Variants in SPAG16 observed in about 807,000 individuals in gnomAD.
The protein encoded by SPAG16 is sperm-associated antigen 16 protein.
SPAG16 carries 86 observed loss-of-function variants against 80.4 expected under a neutral mutation model. That is an observed-to-expected ratio of 1.07 (90% CI 0.90 to 1.28). SPAG16 has a LOEUF of 1.28. SPAG16 is among the 50% of genes most tolerant of loss of function. The pLI is 0.00. For synonymous variants in SPAG16, 294 were observed against 265.9 expected (o/e 1.11, Z -1.03); for missense variants, 870 against 765.3 (o/e 1.14, Z -1.61).
At chr2:213,760,082 A>G (rs1022535506) in intron 10 of SPAG16, among the ~76,000 whole-genome samples, 5 of 152,178 alleles carry the variant, frequency 3.3e-5, no homozygotes, top group African/African-American at 1.2e-4. Context: ...TGACAGAAGT[A>G]GCTTCCTTCT....
chr2:213,942,925 T>G (rs549347188), intron 12 of SPAG16, among the ~76,000 whole-genome samples: 1 of 152,292 alleles, frequency 6.6e-6, no homozygotes, highest in East Asian at 1.9e-4. Context: ...AATTAGGTCA[T>G]GAAGGTAGAG....
chr2:214,393,403 T>C (rs533021164), intron 15 of SPAG16, among the ~76,000 whole-genome samples: 17 of 152,154 alleles, frequency 1.1e-4, no homozygotes, highest in Non-Finnish European at 1.8e-4. Context: ...ATATGTTATT[T>C]TTTAATGTTA....
intron 11 of SPAG16, among the ~76,000 whole-genome samples, chr2:213,928,050 A>G (rs1009180535): frequency 1.3e-5 from 2 of 152,154 alleles, no homozygotes; most frequent in African/African-American, 4.8e-5. Context: ...GTGATTTTTC[A>G]GATAGTCAAA....
chr2:214,001,434 T>C (rs1249330394), intron 12 of SPAG16, among the ~76,000 whole-genome samples: 2 of 152,244 alleles, frequency 1.3e-5, no homozygotes, highest in Non-Finnish European at 2.9e-5. Flanking sequence ...ATTGAAACTA[T>C]GAGCTTTCAT....
At chr2:213,400,807 T>C (rs79732679) in intron 9 of SPAG16, among the ~76,000 whole-genome samples, 11,261 of 152,032 alleles carry the variant, frequency 0.074, 1,374 homozygotes, top group African/African-American at 0.25. Flanking sequence ...TTTTAGTCTT[T>C]GTTTTTTTCT....
chr2:213,642,435 AT>A (rs1442757416), intron 10 of SPAG16, among the ~76,000 whole-genome samples: 1 of 151,970 alleles, frequency 6.6e-6, no homozygotes, highest in Non-Finnish European at 1.5e-5. Context: ...TGTCAGCTTG[AT>A]TGCATTGAAG....
chr2:214,348,758 G>C (rs966903102), intron 15 of SPAG16, among the ~76,000 whole-genome samples: 2 of 152,082 alleles, frequency 1.3e-5, no homozygotes, highest in Non-Finnish European at 1.5e-5. Context: ...TTGGTGCCAC[G>C]TGGGGCAGAA....
At chr2:213,303,359 ATG>A (rs2062819866) in intron 3 of SPAG16, among the ~76,000 whole-genome samples, 1 of 152,004 alleles carries the variant, frequency 6.6e-6, no homozygotes. Flanking sequence ...CACAGGGTAA[ATG>A]GGGTTCTATC....
At chr2:213,355,278 A>T (rs2065573760) in intron 7 of SPAG16, among the ~76,000 whole-genome samples, 1 of 152,154 alleles carries the variant, frequency 6.6e-6, no homozygotes, top group South Asian at 2.1e-4. Flanking sequence ...CTTGTAGTAT[A>T]GTTTGAAGTC....
chr2:213,547,588 A>C (rs2076651212), intron 10 of SPAG16, among the ~76,000 whole-genome samples: 1 of 152,176 alleles, frequency 6.6e-6, no homozygotes, highest in African/African-American at 2.4e-5. Flanking sequence ...GTATACAGAA[A>C]GAGTGTGATT....
At chr2:214,135,723 G>GTCTCTCTCTCTCTCTC in intron 14 of SPAG16, among the ~76,000 whole-genome samples, 1 of 145,762 alleles carries the variant, frequency 6.9e-6, no homozygotes, top group African/African-American at 2.5e-5. Context: ...CTGTCTCTCT[G>GTCTCTCTCTCTCTCTC]TCTCTCTCTC....
At chr2:214,400,573 T>G (rs1324503157) in intron 15 of SPAG16, among the ~76,000 whole-genome samples, 1 of 151,948 alleles carries the variant, frequency 6.6e-6, no homozygotes, top group Non-Finnish European at 1.5e-5. Flanking sequence ...TATCTGTGGG[T>G]TGGGAAGGAC....
In SPAG16 at chr2:213,411,137, C is replaced by T. The variant is rs546682145; in HGVS notation, c.942+36018C>T. ...TGCCAAATAACTGGAGTGGCACTTG[C>T]GCTTTAGTCCAATTGGCTATCCCTT... On this transcript the variant is annotated intron_variant, in intron 9 of 15. Transcript: ENST00000331683. Among the ~76,000 whole-genome samples, 7 of 152,286 alleles carry T rather than the reference C, an allele frequency of 4.6e-5. No homozygotes were observed. In the East Asian group the frequency reaches 5.8e-4, roughly 13 times the overall value.
rs186237642 is a variant in SPAG16 at position 213,356,086 on chromosome 2, T to C, written c.762+5441T>C. ...TGAGAGATTTTAGCATGAAGTGATG[T>C]TGAATTTTGTCAAAGGCCTTTTCTG... On this transcript the variant is annotated intron_variant, in intron 7 of 15. Transcript: ENST00000331683. Among the ~76,000 whole-genome samples, 49 of 152,272 alleles carry C rather than the reference T, an allele frequency of 3.2e-4. No individual in the cohort carries two copies. The East Asian group carries it at 8.7e-3, about 27-fold the overall frequency.
At chr2:213,838,338 T>A (rs1295267875) in intron 10 of SPAG16, among the ~76,000 whole-genome samples, 1 of 151,872 alleles carries the variant, frequency 6.6e-6, no homozygotes, top group Non-Finnish European at 1.5e-5. Context: ...CTCCCAGCTA[T>A]TTTTTTGTAT....
intron 15 of SPAG16, among the ~76,000 whole-genome samples, chr2:214,327,456 G>A (rs1040891358): frequency 5.3e-5 from 8 of 152,292 alleles, no homozygotes; most frequent in African/African-American, 1.9e-4. Flanking sequence ...CACATTTCAA[G>A]GCTCAGACTC....
intron 14 of SPAG16, among the ~76,000 whole-genome samples, chr2:214,136,115 C>G (rs1242011921): frequency 1.3e-5 from 2 of 152,032 alleles, no homozygotes; most frequent in East Asian, 1.9e-4. Flanking sequence ...TTTTAACAAG[C>G]AGCTCTCACA....
intron 10 of SPAG16, among the ~76,000 whole-genome samples, chr2:213,543,022 A>T (rs967757998): frequency 6.6e-6 from 1 of 152,124 alleles, no homozygotes; most frequent in African/African-American, 2.4e-5. Context: ...TTCAAATTCA[A>T]TAACAAAAAT....
At chr2:213,437,318 C>T (rs2070703344) in intron 9 of SPAG16, among the ~76,000 whole-genome samples, 2 of 152,138 alleles carry the variant, frequency 1.3e-5, no homozygotes, top group Admixed American at 6.5e-5. Flanking sequence ...TTTATCTGAC[C>T]TTCAAGGCTC....
Sources: allele counts gnomAD v4.1 joint callset (sites outside exome capture counted in the v4.1 genomes callset), GRCh38; gene constraint gnomAD v4.1.1; transcripts MANE v1.5; gene names NCBI Gene and HGNC (gene_info 2026-07-23, HGNC 2026-07-21).